Variants in MSI2 observed in about 807,000 individuals in gnomAD.
MSI2 encodes musashi RNA binding protein 2.
MSI2 carries 17 observed loss-of-function variants against 45.6 expected under a neutral mutation model. The ratio of observed to expected loss-of-function variants is 0.37; its 90% CI spans 0.26 to 0.56. The LOEUF is 0.56. Among genes scored for constraint, MSI2 ranks in the 20% least tolerant of loss-of-function variants. The probability of loss-of-function intolerance (pLI) is 0.77; values close to 1 mark genes in which losing one functional copy is unlikely to be tolerated. For missense variants in MSI2, 293 were observed against 444.2 expected (o/e 0.66, Z 3.06); for synonymous variants, 156 against 158.2 (o/e 0.99, Z 0.11).
At chr17:57,495,548 A>AAAAG (rs550731840) in intron 6 of MSI2, among the ~76,000 whole-genome samples, 10,534 of 145,280 alleles carry the variant, frequency 0.073, 878 homozygotes, top group South Asian at 0.2. Context: ...AAAAAAAAAA[A>AAAAG]AAAAGAAAGC....
intron 10 of MSI2, among the ~76,000 whole-genome samples, chr17:57,638,264 C>T (rs533022985): frequency 6.6e-6 from 1 of 152,144 alleles, no homozygotes; most frequent in Non-Finnish European, 1.5e-5. Flanking sequence ...AATCCCCTGC[C>T]CCTGAGAGAC....
intron 13 of MSI2, among the ~76,000 whole-genome samples, chr17:57,677,621 C>T (rs1003847320): frequency 1.3e-5 from 2 of 152,190 alleles, no homozygotes; most frequent in Non-Finnish European, 2.9e-5. Context: ...AACGTTTTTG[C>T]CAGTAACTAC....
Position 57,256,638 on chromosome 17 carries a change from G to C in MSI2, c.-105G>C. On this transcript the variant is annotated 5_prime_UTR_variant, in exon 1 of 14. Coordinates refer to ENST00000284073, the MANE Select transcript of MSI2 (RefSeq NM_138962.4). ...GAGCCCGGGCGGGGGGGAGGAGGAG[G>C]GGGAGGAGGGAGCGGAGATCTCGGG... 2.0e-6 allele frequency: 1 copy of C among 489,044 alleles called. No homozygotes were observed. The highest frequency in any genetic ancestry group is 3.4e-6 in the Non-Finnish European group (1 of 290,774). The allele number at this position is 489,044 out of a possible 1,614,324, so 30.3% of individuals were successfully genotyped here.
At chr17:57,377,121 T>C (rs557997405) in intron 5 of MSI2, among the ~76,000 whole-genome samples, 72 of 152,226 alleles carry the variant, frequency 4.7e-4, no homozygotes, top group Non-Finnish European at 8.5e-4. Flanking sequence ...GAGGTTTCAC[T>C]GTGTTTACCA....
chr17:57,425,045 A>C (rs1343867026), intron 6 of MSI2, among the ~76,000 whole-genome samples: 1 of 152,106 alleles, frequency 6.6e-6, no homozygotes. Context: ...CTCAGGAAGC[A>C]CTTGGAATGG....
At chr17:57,347,242 T>C (rs530721380) in intron 5 of MSI2, among the ~76,000 whole-genome samples, 2 of 152,300 alleles carry the variant, frequency 1.3e-5, no homozygotes, top group East Asian at 1.9e-4. Context: ...AAGGATGCAG[T>C]GTGTTTCAGA....
At chr17:57,403,416 C>T (rs1352955932) in intron 6 of MSI2, among the ~76,000 whole-genome samples, 1 of 152,168 alleles carries the variant, frequency 6.6e-6, no homozygotes, top group Non-Finnish European at 1.5e-5. Flanking sequence ...CCATTGCTGC[C>T]CTTAGAACAG....
At chr17:57,679,462 G>A (rs532343075) in intron 13 of MSI2, 87 bp from the exon 14 acceptor site, 12 of 643,066 alleles carry the variant, frequency 1.9e-5, no homozygotes, top group African/African-American at 5.8e-5. Flanking sequence ...GGAGGAAATC[G>A]CATACTTGTC....
rs1192550633 is a variant in MSI2, at chr17:57,256,678, G to GCCGCT, written c.-56_-52dup. On this transcript the variant is annotated 5_prime_UTR_variant, in exon 1 of 14. Transcript: ENST00000284073. ...GAGATCTCGGGGCTCGGAGCCGGCC[G>GCCGCT]CCGCTCCGCTCCGATCGCTGTGGGG... 35 of 633,972 alleles carry GCCGCT rather than the reference G, an allele frequency of 5.5e-5. No individual in the cohort carries two copies. Among genetic ancestry groups the GCCGCT allele is most frequent in the Non-Finnish European group, 2.2e-6 (1 of 456,720 alleles). 39.3% of individuals were successfully genotyped at this position (633,972 alleles called of 1,614,324 possible). A position where few individuals can be genotyped will look rare whatever the true frequency, so the allele number is the denominator to read the frequency against.
chr17:57,287,962 G>GCAGGAGGAGCTC (rs1295156532), intron 5 of MSI2, among the ~76,000 whole-genome samples: 2 of 152,192 alleles, frequency 1.3e-5, no homozygotes, highest in African/African-American at 4.8e-5. Flanking sequence ...ACCAGGAGGA[G>GCAGGAGGAGCTC]CAGGAGGAGC....
At chr17:57,435,042 A>G (rs1016327481) in intron 6 of MSI2, among the ~76,000 whole-genome samples, 3 of 152,228 alleles carry the variant, frequency 2.0e-5, no homozygotes, top group Non-Finnish European at 4.4e-5. Context: ...TCTCTTTGCT[A>G]TGAAGAAAAT....
intron 10 of MSI2, among the ~76,000 whole-genome samples, chr17:57,637,252 A>T (rs1909906699): frequency 6.6e-6 from 1 of 152,208 alleles, no homozygotes; most frequent in Non-Finnish European, 1.5e-5. Context: ...GCTTTAAAAG[A>T]AGACAGAGAA....
chr17:57,432,228 G>A (rs1163353331), intron 6 of MSI2, among the ~76,000 whole-genome samples: 1 of 152,198 alleles, frequency 6.6e-6, no homozygotes, highest in Non-Finnish European at 1.5e-5. Flanking sequence ...TTCCTTGTCT[G>A]TGACGTAGAG....
chr17:57,345,944 T>C (rs1217920688), intron 5 of MSI2, among the ~76,000 whole-genome samples: 2 of 152,214 alleles, frequency 1.3e-5, no homozygotes, highest in Non-Finnish European at 2.9e-5. Context: ...TAGGCTCCTC[T>C]TGCTTGTAAC....
intron 6 of MSI2, among the ~76,000 whole-genome samples, chr17:57,470,958 G>A (rs1261056513): frequency 0.01 from 1,551 of 152,314 alleles, 38 homozygotes; most frequent in African/African-American, 0.036. Context: ...GCTCTGGAGT[G>A]GCCACCCCAG....
In MSI2 at chr17:57,682,896, C is replaced by A. The variant is rs1465009436; in HGVS notation, c.*3379C>A. ...TGGCATTAGCTCCCGGACCCATTCC[C>A]GGTCCTAGCTGGGCATGGGGCTGAC... On this transcript the variant is annotated 3_prime_UTR_variant, in exon 14 of 14. Coordinates refer to ENST00000284073, the MANE Select transcript of MSI2 (RefSeq NM_138962.4). The A allele has an allele frequency of 4.4e-6, 1 of 225,934 alleles. No homozygotes were observed. The highest frequency in any genetic ancestry group is 8.8e-6 in the Non-Finnish European group (1 of 113,586). The allele number at this position is 225,934 out of a possible 1,614,324, so 14.0% of individuals were successfully genotyped here. A position where few individuals can be genotyped will look rare whatever the true frequency, so the allele number is the denominator to read the frequency against.
At chr17:57,668,537 T>C (rs552411337) in intron 11 of MSI2, among the ~76,000 whole-genome samples, 2 of 152,282 alleles carry the variant, frequency 1.3e-5, no homozygotes, top group Admixed American at 6.5e-5. Flanking sequence ...CTACAACTTA[T>C]CATAAGACTG....
chr17:57,458,781 G>A (rs1008952198), intron 6 of MSI2, among the ~76,000 whole-genome samples: 1 of 152,174 alleles, frequency 6.6e-6, no homozygotes, highest in Non-Finnish European at 1.5e-5. Context: ...CTTTGTTCAA[G>A]GTGGGATACA....
intron 8 of MSI2, among the ~76,000 whole-genome samples, chr17:57,607,854 G>A (rs773797793): frequency 3.9e-5 from 6 of 152,112 alleles, no homozygotes; most frequent in South Asian, 2.1e-4. Flanking sequence ...GCAAGCAAGC[G>A]AGAGAGTGCA....
Sources: gnomAD v4.1 joint callset for allele counts (sites outside exome capture counted in the v4.1 genomes callset) on GRCh38, gnomAD v4.1.1 for gene constraint, MANE v1.5 for transcripts, NCBI Gene and HGNC (gene_info 2026-07-23, HGNC 2026-07-21) for gene names.